Variants in PAX5 observed in about 807,000 individuals in gnomAD.
PAX5 encodes the protein paired box 5.
Under a neutral mutation model 43.7 loss-of-function variants are expected in PAX5, and 9 were observed. The ratio of observed to expected loss-of-function variants is 0.21; its 90% CI spans 0.12 to 0.36. The LOEUF is 0.36. Among genes scored for constraint, PAX5 ranks in the 10% least tolerant of loss-of-function variants. PAX5 has a pLI of 1.00. For synonymous variants in PAX5, 228 were observed against 214.3 expected, an observed-to-expected ratio of 1.06 and a Z score of -0.56; for missense variants, 383 against 532.7, an observed-to-expected ratio of 0.72 and a Z score of 2.77.
intron 8 of PAX5, among the ~76,000 whole-genome samples, chr9:36,868,152 C>A (rs1207229302): frequency 6.6e-6 from 1 of 152,214 alleles, no homozygotes; most frequent in Non-Finnish European, 1.5e-5. Context: ...CTGCTAGAAG[C>A]CAGAGCAAAT....
At chr9:36,907,027 G>A (rs1424360971) in intron 7 of PAX5, among the ~76,000 whole-genome samples, 1 of 152,140 alleles carries the variant, frequency 6.6e-6, no homozygotes. Flanking sequence ...GACCCCAGTG[G>A]GCGCCAGCCT....
intron 5 of PAX5, among the ~76,000 whole-genome samples, chr9:36,981,187 C>G (rs115595312): frequency 0.31 from 40,665 of 129,716 alleles, 6,171 homozygotes; most frequent in Middle Eastern, 0.45. Context: ...ACAGCAAAGC[C>G]CCCCCCCCCT....
Position 36,887,415 on chromosome 9 carries a change from G to A in PAX5, c.911-5310C>T, listed in dbSNP as rs1826994506. Among the ~76,000 whole-genome samples the A allele has an allele frequency of 2.0e-5, 3 of 152,156 alleles. No homozygotes were observed. In the South Asian group the frequency reaches 6.2e-4, roughly 32 times the overall value. The stretch of plus-strand genomic sequence containing the variant: ...GGGCAAATATGGACTTTTTATAAAT[G>A]GTGTTAGGACAACTGGAAAGCCATC... On this transcript the variant is annotated intron_variant, in intron 7 of 9. Coordinates refer to ENST00000358127, the MANE Select transcript of PAX5 (RefSeq NM_016734.3).
At chr9:37,003,154 T>TAAAAAAAAAAAAAAAAAAAA (rs67081521) in intron 4 of PAX5, among the ~76,000 whole-genome samples, 4 of 75,830 alleles carry the variant, frequency 5.3e-5, no homozygotes, top group South Asian at 1.3e-3. Flanking sequence ...AGTCAGTGCT[T>TAAAAAAAAAAAAAAAAAAAA]AAAAAAAAAA....
chr9:36,962,218 G>C (rs1315773725), intron 6 of PAX5, among the ~76,000 whole-genome samples: 1 of 66,430 alleles, frequency 1.5e-5, no homozygotes, highest in African/African-American at 4.3e-5. Context: ...CAAGTTCTGA[G>C]AGTTCTGGAT....
chr9:36,920,848 T>C (rs1366601707), intron 7 of PAX5, among the ~76,000 whole-genome samples: 1 of 146,376 alleles, frequency 6.8e-6, no homozygotes, highest in African/African-American at 2.5e-5. Flanking sequence ...AGTTTTGCTC[T>C]TGTGGCCCAG....
intron 7 of PAX5, among the ~76,000 whole-genome samples, chr9:36,910,484 T>G (rs1445522807): frequency 1.3e-5 from 2 of 152,234 alleles, no homozygotes; most frequent in Non-Finnish European, 2.9e-5. Context: ...CTCCTCTGGT[T>G]GTTAAAATGT....
intron 3 of PAX5, among the ~76,000 whole-genome samples, chr9:37,013,741 CTG>C (rs1439828200): frequency 6.6e-6 from 1 of 152,212 alleles, no homozygotes; most frequent in Non-Finnish European, 1.5e-5. Flanking sequence ...GACCAAGAAA[CTG>C]TGTGCCTGAT....
intron 8 of PAX5, among the ~76,000 whole-genome samples, chr9:36,858,043 C>T (rs888932940): frequency 3.9e-5 from 6 of 152,254 alleles, no homozygotes; most frequent in Admixed American, 3.3e-4. Flanking sequence ...CCAGCAGCCA[C>T]TTAGCTGGGC....
chr9:36,982,313 G>GAT (rs1836007249), intron 5 of PAX5, among the ~76,000 whole-genome samples: 1 of 151,976 alleles, frequency 6.6e-6, no homozygotes. Flanking sequence ...AAAAGAACAA[G>GAT]ATGTGTACAA....
chr9:36,987,347 G>C (rs1449720424), intron 5 of PAX5, among the ~76,000 whole-genome samples: 1 of 152,216 alleles, frequency 6.6e-6, no homozygotes, highest in Admixed American at 6.5e-5. Context: ...CCGACCCTTG[G>C]AGATGTTCAG....
intron 3 of PAX5, among the ~76,000 whole-genome samples, chr9:37,009,313 C>A (rs1404761284): frequency 6.6e-6 from 1 of 152,162 alleles, no homozygotes; most frequent in East Asian, 1.9e-4. Flanking sequence ...AATTACTTAA[C>A]CTCTCTATGC....
intron 7 of PAX5, among the ~76,000 whole-genome samples, chr9:36,905,215 CG>C (rs1321566513): frequency 6.6e-6 from 1 of 152,174 alleles, no homozygotes; most frequent in Non-Finnish European, 1.5e-5. Context: ...ACTTTCCTGC[CG>C]GGGAGGCCGG....
intron 8 of PAX5, chr9:36,861,218 T>C (rs1344644257): frequency 6.6e-6 from 1 of 151,632 alleles, no homozygotes; most frequent in Non-Finnish European, 1.5e-5. Context: ...ATCCATCCAT[T>C]CATCTATCAG....
chr9:36,894,894 A>T (rs2131830776), intron 7 of PAX5, among the ~76,000 whole-genome samples: 1 of 152,350 alleles, frequency 6.6e-6, no homozygotes, highest in Middle Eastern at 3.4e-3. Flanking sequence ...ATGGGCTCTG[A>T]GGGCTCAAAT....
chr9:36,979,797 T>C (rs141596247), intron 5 of PAX5, among the ~76,000 whole-genome samples: 6 of 152,286 alleles, frequency 3.9e-5, no homozygotes, highest in African/African-American at 9.6e-5. Flanking sequence ...CCCCAGCTCA[T>C]TGGATGAAAG....
chr9:36,869,738 G>T (rs74307350), intron 8 of PAX5, among the ~76,000 whole-genome samples: 7,696 of 152,264 alleles, frequency 0.051, 234 homozygotes, highest in South Asian at 0.14. Context: ...CCTGGCACAT[G>T]TAGATGCTCA....
At chr9:36,902,433 A>C (rs1402332144) in intron 7 of PAX5, among the ~76,000 whole-genome samples, 1 of 152,212 alleles carries the variant, frequency 6.6e-6, no homozygotes, top group Non-Finnish European at 1.5e-5. Flanking sequence ...AGAAAACACG[A>C]AGGAAGATTG....
At chr9:37,030,779 C>G (rs899528279) in intron 1 of PAX5, among the ~76,000 whole-genome samples, 2 of 152,314 alleles carry the variant, frequency 1.3e-5, no homozygotes, top group African/African-American at 2.4e-5. Context: ...ACTGCATTAC[C>G]GTGGCTTCAG....
Sources: gnomAD v4.1 joint callset for allele counts (sites outside exome capture counted in the v4.1 genomes callset) on GRCh38, gnomAD v4.1.1 for gene constraint, MANE v1.5 for transcripts, NCBI Gene and HGNC (gene_info 2026-07-23, HGNC 2026-07-21) for gene names.